The following CSMD1 variants were observed in gnomAD, a reference collection of about 807,000 sequenced individuals.
CSMD1 encodes the protein CUB and sushi domain-containing protein 1.
In CSMD1, 213 loss-of-function variants were observed where a neutral mutation model predicts 417.5. The observed-to-expected ratio is 0.51, with a 90% confidence interval of 0.46 to 0.57. The LOEUF is 0.57. Among genes scored for constraint, CSMD1 ranks in the 20% least tolerant of loss-of-function variants. CSMD1 has a pLI of 0.00. For synonymous variants in CSMD1, 2,862 were observed against 1,736.8 expected (o/e 1.65, Z -16.11); for missense variants, 6,923 against 4,529.7 (o/e 1.53, Z -15.17).
At chr8:4,477,303 G>A (rs1031785962) in intron 2 of CSMD1, among the ~76,000 whole-genome samples, 15 of 152,266 alleles carry the variant, frequency 9.9e-5, no homozygotes, top group Admixed American at 4.6e-4. Flanking sequence ...GGTCCTCACC[G>A]TGGGGAAGCC....
chr8:4,285,518 C>G (rs1373867029), intron 3 of CSMD1, among the ~76,000 whole-genome samples: 1 of 152,134 alleles, frequency 6.6e-6, no homozygotes, highest in East Asian at 1.9e-4. Context: ...AGACAGATCT[C>G]TTGTTTTCGG....
intron 1 of CSMD1, among the ~76,000 whole-genome samples, chr8:4,702,356 C>G (rs895197605): frequency 6.6e-6 from 1 of 152,164 alleles, no homozygotes; most frequent in African/African-American, 2.4e-5. Flanking sequence ...AACTGACCCT[C>G]CTGCTCTCCG....
intron 25 of CSMD1, among the ~76,000 whole-genome samples, chr8:3,292,599 T>C (rs1054297953): frequency 6.6e-6 from 1 of 152,186 alleles, no homozygotes; most frequent in African/African-American, 2.4e-5. Context: ...CTTTGTCTCT[T>C]TTGATCTTTG....
intron 3 of CSMD1, among the ~76,000 whole-genome samples, chr8:4,254,486 C>T (rs995538417): frequency 6.6e-6 from 1 of 152,090 alleles, no homozygotes; most frequent in Non-Finnish European, 1.5e-5. Flanking sequence ...TGTTGTAGTG[C>T]AATTACTTTT....
Position 4,429,505 on chromosome 8 carries a change from A to C in CSMD1, c.303-9440T>G, listed in dbSNP as rs368327478. Among the ~76,000 whole-genome samples the C allele has an allele frequency of 4.6e-5, 7 of 152,306 alleles. No homozygotes were observed. In the South Asian group the frequency reaches 1.2e-3, roughly 27 times the overall value. On this transcript the variant is annotated intron_variant, in intron 2 of 69. Coordinates refer to ENST00000635120, the MANE Select transcript of CSMD1 (RefSeq NM_033225.6). The stretch of plus-strand genomic sequence containing the variant: ...AATTGGGAAACAGATTAGCTTATAT[A>C]ATTTGTAGAATTCAAGTTGGATCAG...
At chr8:4,715,179 C>T (rs1038204204) in intron 1 of CSMD1, among the ~76,000 whole-genome samples, 3 of 152,036 alleles carry the variant, frequency 2.0e-5, no homozygotes, top group African/African-American at 4.8e-5. Context: ...TCTATTATTT[C>T]GCAGAAAAAG....
intron 26 of CSMD1, among the ~76,000 whole-genome samples, chr8:3,251,690 C>A (rs761195229): frequency 6.6e-6 from 1 of 152,162 alleles, no homozygotes; most frequent in Non-Finnish European, 1.5e-5. Context: ...TTCTTCCTAC[C>A]CATGAGCATG....
rs546416873 is a variant in CSMD1 at position 4,315,346 on chromosome 8, G to C, written c.415+104607C>G. Reference sequence around the variant, plus strand: ...CTTCTAGCTGCTGTTGCTGCACTGTGAGCCCCAGGTGGCAGGTACCAGCCT... The same window carrying C: ...CTTCTAGCTGCTGTTGCTGCACTGTCAGCCCCAGGTGGCAGGTACCAGCCT... On this transcript the variant is annotated intron_variant, in intron 3 of 69. Transcript: ENST00000635120. Among the ~76,000 whole-genome samples, 8 of 152,256 alleles carry C rather than the reference G, an allele frequency of 5.3e-5. No homozygotes were observed. In the East Asian group the frequency reaches 1.5e-3, roughly 29 times the overall value.
chr8:4,903,889 G>C (rs372270657), intron 1 of CSMD1, among the ~76,000 whole-genome samples: 1 of 152,198 alleles, frequency 6.6e-6, no homozygotes, highest in South Asian at 2.1e-4. Context: ...CTTCAACGCC[G>C]ATAATGCATT....
chr8:4,488,946 C>T (rs182500042), intron 2 of CSMD1, among the ~76,000 whole-genome samples: 5 of 152,314 alleles, frequency 3.3e-5, no homozygotes, highest in East Asian at 3.9e-4. Flanking sequence ...GAGTCTTGCT[C>T]TTTCACCCAG....
chr8:3,004,170 G>A (rs1215840848), intron 52 of CSMD1, among the ~76,000 whole-genome samples: 1 of 152,116 alleles, frequency 6.6e-6, no homozygotes, highest in African/African-American at 2.4e-5. Flanking sequence ...ATAAAATACT[G>A]AAATTCCTCA....
intron 3 of CSMD1, among the ~76,000 whole-genome samples, chr8:4,413,174 A>T (rs1217209405): frequency 6.6e-6 from 1 of 152,222 alleles, no homozygotes; most frequent in Non-Finnish European, 1.5e-5. Context: ...CAGAGTTAAC[A>T]CCTTAAATTC....
chr8:4,632,911 C>T (rs1007841098), intron 2 of CSMD1, among the ~76,000 whole-genome samples: 2 of 152,168 alleles, frequency 1.3e-5, no homozygotes, highest in African/African-American at 4.8e-5. Flanking sequence ...GAGTAACCCA[C>T]AGATCTGTGC....
At chr8:3,043,045 G>C (rs1442309907) in intron 50 of CSMD1, among the ~76,000 whole-genome samples, 1 of 150,422 alleles carries the variant, frequency 6.6e-6, no homozygotes, top group Non-Finnish European at 1.5e-5. Flanking sequence ...TAGTACTGTG[G>C]GATTATATGT....
intron 1 of CSMD1, among the ~76,000 whole-genome samples, chr8:4,955,288 T>C (rs1028094857): frequency 3.9e-4 from 59 of 152,196 alleles, no homozygotes; most frequent in Non-Finnish European, 8.8e-5. Flanking sequence ...TTGCATAAAC[T>C]TGTAATTAAT....
intron 46 of CSMD1, among the ~76,000 whole-genome samples, chr8:3,103,819 C>T (rs1037169009): frequency 1.3e-5 from 2 of 152,128 alleles, no homozygotes; most frequent in African/African-American, 4.8e-5. Context: ...TCTTGGCTCA[C>T]TGCAACCTCT....
At chr8:3,592,009 ATAGG>A (rs1195443199) in intron 8 of CSMD1, among the ~76,000 whole-genome samples, 19 of 152,158 alleles carry the variant, frequency 1.2e-4, no homozygotes, top group African/African-American at 4.3e-4. Flanking sequence ...TGGATAGATG[ATAGG>A]TAGATAGATA....
intron 3 of CSMD1, among the ~76,000 whole-genome samples, chr8:4,157,187 C>G (rs78937862): frequency 0.027 from 4,138 of 152,078 alleles, 174 homozygotes; most frequent in African/African-American, 0.085. Flanking sequence ...GGACAAGTGA[C>G]GATGTATGAA....
intron 1 of CSMD1, among the ~76,000 whole-genome samples, chr8:4,800,804 G>A (rs548663176): frequency 1.3e-5 from 2 of 152,206 alleles, no homozygotes; most frequent in Non-Finnish European, 1.5e-5. Context: ...CGGGACCTGG[G>A]GAGGGCACCT....
Sources: allele counts gnomAD v4.1 joint callset (sites outside exome capture counted in the v4.1 genomes callset), GRCh38; gene constraint gnomAD v4.1.1; transcripts MANE v1.5; gene names NCBI Gene and HGNC (gene_info 2026-07-23, HGNC 2026-07-21).